The following PCM1 variants were observed in gnomAD, a reference collection of about 807,000 sequenced individuals.
PCM1 encodes pericentriolar material 1.
A neutral mutation model predicts 241.9 loss-of-function variants in PCM1; 157 were observed. That is an observed-to-expected ratio of 0.65 (90% CI 0.57 to 0.74). The LOEUF (loss-of-function observed/expected upper bound fraction) is 0.74. PCM1 is among the 30% of genes least tolerant of loss of function. The pLI, the probability that PCM1 is intolerant of heterozygous loss-of-function variation, is 0.00. For missense variants in PCM1, 3,478 were observed against 2,360.1 expected (o/e 1.47, Z -9.81); for synonymous variants, 1,085 against 784.9 (o/e 1.38, Z -6.39).
At chr8:18,027,425 G>A (rs1180580297) in intron 38 of PCM1, among the ~76,000 whole-genome samples, 2 of 152,144 alleles carry the variant, frequency 1.3e-5, no homozygotes, top group African/African-American at 2.4e-5. Context: ...AGAGAGACAC[G>A]AAGTATCTGC....
intron 27 of PCM1, among the ~76,000 whole-genome samples, chr8:17,990,388 G>A (rs2084165489): frequency 6.6e-6 from 1 of 151,492 alleles, no homozygotes; most frequent in Admixed American, 6.6e-5. Context: ...TGTAATTTGA[G>A]TTAAGCAGTC....
rs114072650 is a variant in PCM1 at position 18,018,090 on chromosome 8, A to G, written c.5841+3250A>G. Among the ~76,000 whole-genome samples, 756 of 152,340 alleles carry G rather than the reference A, an allele frequency of 5.0e-3. 7 individuals are homozygous for G. The highest frequency in any genetic ancestry group is 0.017 in the African/African-American group (720 of 41,578). Reference sequence around the variant, plus strand: ...GGAAAGAAAATATTTCACGTTTCCAATCAAGTTCAGAGAATCCTCTGTGAA... The same window carrying G: ...GGAAAGAAAATATTTCACGTTTCCAGTCAAGTTCAGAGAATCCTCTGTGAA... On this transcript the variant is annotated intron_variant, in intron 36 of 38. Transcript: ENST00000325083.
chr8:17,924,323 A>C (rs1288511869), intron 1 of PCM1, among the ~76,000 whole-genome samples: 1 of 152,240 alleles, frequency 6.6e-6, no homozygotes, highest in Admixed American at 6.5e-5. Context: ...AGTAGCTTTT[A>C]AATGAGCAAA....
At chr8:17,952,887 G>C (rs2066616366) in intron 8 of PCM1, 83 bp from the exon 9 acceptor site, 6 of 813,410 alleles carry the variant, frequency 7.4e-6, no homozygotes, top group African/African-American at 1.7e-5. Flanking sequence ...TCTTTATAAA[G>C]AATATTTATG....
chr8:18,006,233 T>G (rs1481873358), intron 29 of PCM1, 30 bp from the exon 30 acceptor site: 1 of 1,550,422 alleles, frequency 6.4e-7, no homozygotes. Flanking sequence ...TAGGTAAGTT[T>G]ATATTCTAAC....
intron 38 of PCM1, 101 bp from the exon 39 acceptor site, chr8:18,027,536 A>G: frequency 2.8e-6 from 2 of 723,454 alleles, no homozygotes; most frequent in Non-Finnish European, 2.2e-6. Context: ...TTCTTTTATA[A>G]TAACGTTATA....
chr8:17,938,071 T>C (rs1330447943), intron 4 of PCM1, among the ~76,000 whole-genome samples: 1 of 152,160 alleles, frequency 6.6e-6, no homozygotes, highest in Non-Finnish European at 1.5e-5. Context: ...GTCCAAAGCG[T>C]ATAAAAATAC....
At chr8:18,022,966 C>T (rs2093877617) in intron 36 of PCM1, among the ~76,000 whole-genome samples, 1 of 152,108 alleles carries the variant, frequency 6.6e-6, no homozygotes, top group African/African-American at 2.4e-5. Context: ...GCGATGGTAC[C>T]CATGTGTAAT....
intron 2 of PCM1, among the ~76,000 whole-genome samples, chr8:17,930,846 C>G (rs897649354): frequency 1.3e-5 from 2 of 151,642 alleles, no homozygotes; most frequent in African/African-American, 4.8e-5. Flanking sequence ...CGCCACTGCA[C>G]TCCAGCCTGG....
Position 17,986,001 on chromosome 8 carries a change from GA to G in PCM1, c.4328del (p.Asn1443MetfsTer2). ...TATTTCTGAGAGCCATGAAAAAGGA[GA>G]AAATGTAAAGTCAGTAAACTCTGGT... ...RHISESHEKGENVKSVNSGTW... is the reference protein window; with the variant it reads ...RHISESHEKGXNVKSVNSGTW... On this transcript the variant is annotated frameshift_variant, in exon 26 of 39. Coordinates refer to ENST00000325083, the MANE Select transcript of PCM1 (RefSeq NM_006197.4). LOFTEE classifies it high-confidence loss of function. 6.3e-7 allele frequency: 1 copy of G among 1,590,910 alleles called. No homozygotes were observed. The highest frequency in any genetic ancestry group is 8.6e-7 in the Non-Finnish European group (1 of 1,163,704).
rs375995415 is a variant in PCM1, at chr8:18,011,760, C to T, written c.5444C>T (p.Pro1815Leu). The change falls in exon 34 of 39, where the codon CCT (proline) becomes CTT (leucine). Residue 1815 changes from proline to leucine, a missense_variant. Coordinates refer to ENST00000325083, the MANE Select transcript of PCM1 (RefSeq NM_006197.4). ...GAAATGGAAGAATTTGAAGAAGGCC[C>T]TGTGGATGTCCAGACTTCCCTCCAG... ...DEEMEEFEEG[P>L]VDVQTSLQAN... is the part of the protein sequence containing the mutation. The T allele has an allele frequency of 2.5e-6, 4 of 1,613,532 alleles. No individual in the cohort carries two copies. The African/African-American group carries it at 4.0e-5, about 16-fold the overall frequency.
At chr8:18,001,873 A>C in intron 29 of PCM1, among the ~76,000 whole-genome samples, 1 of 152,058 alleles carries the variant, frequency 6.6e-6, no homozygotes, top group Non-Finnish European at 1.5e-5. Flanking sequence ...GCTGAGAGGA[A>C]AAAGTCAGCT....
rs59448041 is a variant in PCM1, at chr8:17,999,578, A to G, written c.4827+5959A>G. Reference sequence around the variant, plus strand: ...TTTACTCCTTGCTCTCGTCTCCTCAAGCAGAAGGAGTCACTTGCATTGCTG... The same window carrying G: ...TTTACTCCTTGCTCTCGTCTCCTCAGGCAGAAGGAGTCACTTGCATTGCTG... On this transcript the variant is annotated intron_variant, in intron 29 of 38. Coordinates refer to ENST00000325083, the MANE Select transcript of PCM1 (RefSeq NM_006197.4). Among the ~76,000 whole-genome samples the G allele has an allele frequency of 7.3e-3, 1,107 of 152,164 alleles. 10 individuals are homozygous for G. The highest frequency in any genetic ancestry group is 0.026 in the African/African-American group (1,060 of 41,506).
At chr8:17,977,111 G>C (rs1564106073) in intron 23 of PCM1, among the ~76,000 whole-genome samples, 1 of 152,152 alleles carries the variant, frequency 6.6e-6, no homozygotes. Flanking sequence ...AAATGTTCAT[G>C]TTAGAATAAC....
In PCM1 at chr8:18,011,378, G is replaced by T; in HGVS notation, c.5350+12G>T. The T allele has an allele frequency of 6.4e-7, 1 of 1,553,402 alleles. No homozygotes were observed. The highest frequency in any genetic ancestry group is 2.3e-5 in the East Asian group (1 of 43,938). On this transcript the variant is annotated intron_variant, in intron 33 of 38. Transcript: ENST00000325083. ...TCCAGTGTCTATTAGTAAGTTTAAA[G>T]GCTCTGTACTATCTTTATACTTTAG...
At chr8:17,940,454 G>A (rs992645391) in intron 6 of PCM1, among the ~76,000 whole-genome samples, 15 of 152,160 alleles carry the variant, frequency 9.9e-5, no homozygotes, top group Non-Finnish European at 2.1e-4. Flanking sequence ...CTAATTTTAA[G>A]AAGCATCGAG....
chr8:17,938,316 T>C (rs1052268400), intron 4 of PCM1, among the ~76,000 whole-genome samples: 2 of 152,206 alleles, frequency 1.3e-5, no homozygotes, highest in East Asian at 3.8e-4. Flanking sequence ...ACCTTCAGAT[T>C]ATGTGTATAA....
intron 30 of PCM1, 67 bp downstream of exon 30, chr8:18,006,464 G>C (rs759351468): frequency 1.5e-5 from 16 of 1,058,752 alleles, no homozygotes; most frequent in Non-Finnish European, 2.3e-5. Context: ...TCGGGGGGTG[G>C]GTGAGGCATT....
Position 17,953,134 on chromosome 8 carries a change from A to T in PCM1, c.1236A>T (p.Lys412Asn). The change falls in exon 9 of 39, where the codon AAA (lysine) becomes AAT (asparagine). Residue 412 changes from lysine to asparagine, a missense_variant. Physicochemically the swap from Lys to Asn is moderately conservative, Grantham distance 94. Coordinates refer to ENST00000325083, the MANE Select transcript of PCM1 (RefSeq NM_006197.4). ...AGGAAAAGAAACAAAAAATGGACAA[A>T]TTGCTTGGAGAACTTCATACACTTC... ...VLQEKKQKMD[K>N]LLGELHTLRD... The T allele has an allele frequency of 6.3e-7, 1 of 1,592,032 alleles. No individual in the cohort carries two copies.
Sources: allele counts gnomAD v4.1 joint callset (sites outside exome capture counted in the v4.1 genomes callset), GRCh38; gene constraint gnomAD v4.1.1; transcripts MANE v1.5; gene names NCBI Gene and HGNC (gene_info 2026-07-23, HGNC 2026-07-21).